Variants in UBE2V1 observed in about 807,000 individuals in gnomAD.
The protein encoded by UBE2V1 is ubiquitin conjugating enzyme E2 V1, also known as ubiquitin-conjugating enzyme E2 variant 1.
Under a neutral mutation model 19.6 loss-of-function variants are expected in UBE2V1, and 15 were observed. That is an observed-to-expected ratio of 0.77 (90% CI 0.51 to 1.18). The LOEUF is 1.18. Ranked by LOEUF, UBE2V1 falls within the 50% of genes most tolerant of loss-of-function variation. The pLI, the probability that UBE2V1 is intolerant of heterozygous loss-of-function variation, is 0.00. For synonymous variants in UBE2V1, 60 were observed against 60.7 expected (o/e 0.99, Z 0.05); for missense variants, 125 against 184.8 (o/e 0.68, Z 1.88).
chr20:50,081,954 G>A lies in UBE2V1; in HGVS notation c.*814C>T, dbSNP rs1456351686. The A allele has an allele frequency of 8.5e-6, 2 of 235,164 alleles. No homozygotes were observed. Among genetic ancestry groups the A allele is most frequent in the Non-Finnish European group, 1.6e-5 (2 of 121,912 alleles). The allele number at this position is 235,164 out of a possible 1,614,324, so 14.6% of individuals were successfully genotyped here. On this transcript the variant is annotated 3_prime_UTR_variant, in exon 4 of 4. Transcript: ENST00000371674. ...ATGGTTCCAAAACTAAACAAGGGAG[G>A]TCAGAGGCTCTTTCCAACCTTACCT...
At chr20:50,106,888 C>A (rs6012837) in intron 1 of UBE2V1, among the ~76,000 whole-genome samples, 2,878 of 135,542 alleles carry the variant, frequency 0.021, 89 homozygotes, top group African/African-American at 0.072. Flanking sequence ...AAAAAAAAAA[C>A]AAAAAAAAGG....
intron 2 of UBE2V1, among the ~76,000 whole-genome samples, chr20:50,092,044 G>C (rs1226953485): frequency 6.6e-6 from 1 of 152,126 alleles, no homozygotes; most frequent in Non-Finnish European, 1.5e-5. Context: ...CACTTGGCCG[G>C]GTGTGGTGGG....
chr20:50,086,844 G>A (rs756197777), intron 2 of UBE2V1, among the ~76,000 whole-genome samples: 1 of 152,230 alleles, frequency 6.6e-6, no homozygotes, highest in Non-Finnish European at 1.5e-5. Context: ...TCGGGAAGCC[G>A]AGACAGGCGG....
chr20:50,084,021 C>A lies in UBE2V1; in HGVS notation c.297+108G>T. On this transcript the variant is annotated intron_variant, in intron 3 of 3. Transcript: ENST00000371674. ...TATGCACAGTGATACAGTTTATCAA[C>A]AAATAACCAAAGAACCTAGGAATTG... The A allele has an allele frequency of 2.0e-6, 3 of 1,493,808 alleles. No homozygotes were observed. The South Asian group carries it at 4.2e-5, about 21-fold the overall frequency. 92.5% of individuals were successfully genotyped at this position (1,493,808 alleles called of 1,614,324 possible).
At chr20:50,096,033 A>G (rs1233839641) in intron 2 of UBE2V1, 1 of 152,416 alleles carries the variant, frequency 6.6e-6, no homozygotes, top group Non-Finnish European at 1.5e-5. Flanking sequence ...GTTAAGAGAC[A>G]TTTCTTGAGG....
chr20:50,112,609 T>C (rs1185578282), intron 1 of UBE2V1, among the ~76,000 whole-genome samples: 5 of 152,080 alleles, frequency 3.3e-5, no homozygotes, highest in Non-Finnish European at 7.4e-5. Flanking sequence ...GGGGATCCTC[T>C]CAAGTCACCC....
intron 2 of UBE2V1, among the ~76,000 whole-genome samples, chr20:50,093,234 A>T (rs73276501): frequency 0.014 from 2,065 of 152,384 alleles, 42 homozygotes; most frequent in African/African-American, 0.047. Context: ...ATTGGAAAGT[A>T]AATTCCTAGA....
At chr20:50,112,810 C>T (rs1056151917) in intron 1 of UBE2V1, among the ~76,000 whole-genome samples, 3 of 152,128 alleles carry the variant, frequency 2.0e-5, no homozygotes, top group African/African-American at 7.2e-5. Flanking sequence ...AGGAGTGCCT[C>T]GGAGCTCGCT....
At chr20:50,106,285 G>A (rs2080351287) in intron 1 of UBE2V1, among the ~76,000 whole-genome samples, 1 of 152,134 alleles carries the variant, frequency 6.6e-6, no homozygotes, top group Admixed American at 6.5e-5. Flanking sequence ...TGAAAAGACA[G>A]CAGTTGCAGG....
intron 1 of UBE2V1, among the ~76,000 whole-genome samples, chr20:50,109,468 C>T (rs1315333651): frequency 6.6e-6 from 1 of 151,992 alleles, no homozygotes; most frequent in African/African-American, 2.4e-5. Context: ...TAATAGCTTG[C>T]AGCCCGGCAC....
At chr20:50,106,874 C>CAACAAAA (rs530425666) in intron 1 of UBE2V1, among the ~76,000 whole-genome samples, 4 of 124,670 alleles carry the variant, frequency 3.2e-5, no homozygotes, top group African/African-American at 1.3e-4. Context: ...ACAACAACAA[C>CAACAAAA]AAAAAAAAAA....
At chr20:50,113,167 C>T (rs1183514911), upstream of UBE2V1, 1 of 1,184,732 alleles carries the variant, frequency 8.4e-7, no homozygotes, top group Non-Finnish European at 1.1e-6. Flanking sequence ...CCCTTCTTCA[C>T]CCCCCCCTTA....
chr20:50,086,976 C>T (rs563121338), intron 2 of UBE2V1, among the ~76,000 whole-genome samples: 16 of 152,250 alleles, frequency 1.1e-4, no homozygotes, highest in African/African-American at 3.6e-4. Context: ...ACTTGTGAGG[C>T]TGAGGCAGGA....
At chr20:50,084,651 G>C (rs925516433) in intron 2 of UBE2V1, 19 of 427,400 alleles carry the variant, frequency 4.4e-5, no homozygotes, top group African/African-American at 2.9e-4. Flanking sequence ...ATAACACTAT[G>C]TGGTATTAAA....
At chr20:50,084,048 G>A (rs781284560) in intron 3 of UBE2V1, 81 bp downstream of exon 3, 282 of 1,511,876 alleles carry the variant, frequency 1.9e-4, no homozygotes, top group Non-Finnish European at 2.3e-4. Context: ...TAGGAATTGG[G>A]CCCAGTCTAA....
intron 1 of UBE2V1, among the ~76,000 whole-genome samples, chr20:50,112,289 C>T (rs2080806614): frequency 6.6e-6 from 1 of 152,200 alleles, no homozygotes; most frequent in Non-Finnish European, 1.5e-5. Flanking sequence ...TTCATCTGTT[C>T]TCCCTCATCC....
intron 2 of UBE2V1, among the ~76,000 whole-genome samples, chr20:50,085,598 G>T (rs1193763246): frequency 6.6e-6 from 1 of 152,142 alleles, no homozygotes; most frequent in Non-Finnish European, 1.5e-5. Flanking sequence ...CTCAGGAAAG[G>T]AGTCTTGTAC....
chr20:50,111,622 C>T (rs1314784280), intron 1 of UBE2V1: 1 of 996,028 alleles, frequency 1.0e-6, no homozygotes, highest in African/African-American at 1.7e-5. Context: ...GAAGACCCCA[C>T]TGTTTTAAAC....
At chr20:50,102,364 C>G (rs892578568) in intron 1 of UBE2V1, among the ~76,000 whole-genome samples, 1 of 152,120 alleles carries the variant, frequency 6.6e-6, no homozygotes, top group African/African-American at 2.4e-5. Flanking sequence ...GTCTGCAAAC[C>G]TCATTTTCTA....
Sources: gnomAD v4.1 joint callset for allele counts (sites outside exome capture counted in the v4.1 genomes callset) on GRCh38, gnomAD v4.1.1 for gene constraint, MANE v1.5 for transcripts, NCBI Gene and HGNC (gene_info 2026-07-23, HGNC 2026-07-21) for gene names.